CNGA1: variants seen among roughly 807,000 people sequenced by gnomAD.
The protein encoded by CNGA1 is cyclic nucleotide gated channel subunit alpha 1.
In CNGA1, 53 loss-of-function variants were observed where a neutral mutation model predicts 69.7. The ratio of observed to expected loss-of-function variants is 0.76; its 90% CI spans 0.61 to 0.96. The LOEUF (loss-of-function observed/expected upper bound fraction) is 0.96. CNGA1 is among the 40% of genes least tolerant of loss of function. CNGA1 has a pLI of 0.00. For missense variants in CNGA1, 739 were observed against 811.2 expected (o/e 0.91, Z 1.08); for synonymous variants, 249 against 283.5 (o/e 0.88, Z 1.22).
chr4:47,936,986 C>T lies in CNGA1; in HGVS notation c.1496G>A (p.Gly499Glu). ...LKLQPQVYSPGDYICKKGDIG... is the reference protein window; with the variant it reads ...LKLQPQVYSPEDYICKKGDIG... ...ATCCCCTTTCTTGCAAATATAATCT[C>T]CAGGACTGTAGACTTGGGGTTGCAA... Residue 499 changes from glycine to glutamate, a missense_variant, in exon 11 of 11, where the codon GGA becomes GAA. Transcript: ENST00000514170. 6.2e-7 allele frequency: 1 copy of T among 1,614,140 alleles called. No homozygotes were observed. Among genetic ancestry groups the T allele is most frequent in the South Asian group, 1.1e-5 (1 of 91,078 alleles).
Position 47,936,215 on chromosome 4 carries a change from T to C in CNGA1, c.*206A>G, listed in dbSNP as rs1738629084. The C allele has an allele frequency of 3.3e-6, 2 of 605,616 alleles. No individual in the cohort carries two copies. Among genetic ancestry groups the C allele is most frequent in the Non-Finnish European group, 5.8e-6 (2 of 343,906 alleles). 37.5% of individuals were successfully genotyped at this position (605,616 alleles called of 1,614,324 possible). On this transcript the variant is annotated 3_prime_UTR_variant, in exon 11 of 11. Coordinates refer to ENST00000514170, the MANE Select transcript of CNGA1 (RefSeq NM_001379270.1). ...AGTTTATATCTTTGCACATTATCAG[T>C]TGTGAAAAATCCCAAGATATAAAGC...
chr4:47,990,321 G>T (rs575866992), intron 2 of CNGA1, among the ~76,000 whole-genome samples: 1 of 152,026 alleles, frequency 6.6e-6, no homozygotes, highest in African/African-American at 2.4e-5. Context: ...GCATTCTTGG[G>T]GGGAGGTCTA....
At chr4:47,981,698 T>A (rs73814638) in intron 2 of CNGA1, among the ~76,000 whole-genome samples, 198 bp from the exon 3 acceptor site, 2,581 of 152,222 alleles carry the variant, frequency 0.017, 56 homozygotes, top group African/African-American at 0.058. Context: ...TTTGCTTGAG[T>A]CTGAGCCTAT....
rs556363295 is a variant in CNGA1, at chr4:47,957,701, T to C, written c.-14-4998A>G. On this transcript the variant is annotated intron_variant, in intron 3 of 10. Transcript: ENST00000514170. The stretch of plus-strand genomic sequence containing the variant: ...CAAGTTCACAAGCACTAGAGGAAAT[T>C]TGAAGAAAGGTGAGTTTAGCAATGA... 2.6e-5 allele frequency among the ~76,000 whole-genome samples: 4 copies of C among 152,234 alleles called. No homozygotes were observed. In the East Asian group the frequency reaches 5.8e-4, roughly 22 times the overall value.
At chr4:47,987,546 C>T (rs760830673) in intron 2 of CNGA1, among the ~76,000 whole-genome samples, 13 of 152,124 alleles carry the variant, frequency 8.5e-5, no homozygotes, top group Non-Finnish European at 1.9e-4. Context: ...ATTCATTCAA[C>T]AAATATGTAA....
In CNGA1 at chr4:47,943,778, A is replaced by T. The variant is rs200956952; in HGVS notation, c.288-366T>A. 5.9e-5 allele frequency among the ~76,000 whole-genome samples: 9 copies of T among 152,374 alleles called. No individual in the cohort carries two copies. The East Asian group carries it at 1.7e-3, about 29-fold the overall frequency. ...AAGCTTCTTGACATCATTTACATTTATCCTTGAATAAAATCATTCAGAATT... is the reference window on the plus strand; with the variant it reads ...AAGCTTCTTGACATCATTTACATTTTTCCTTGAATAAAATCATTCAGAATT... On this transcript the variant is annotated intron_variant, in intron 6 of 10. Coordinates refer to ENST00000514170, the MANE Select transcript of CNGA1 (RefSeq NM_001379270.1).
At chr4:47,966,717 C>G (rs189314410) in intron 3 of CNGA1, among the ~76,000 whole-genome samples, 118 of 152,156 alleles carry the variant, frequency 7.8e-4, no homozygotes, top group African/African-American at 2.7e-3. Flanking sequence ...AAATCTGAAA[C>G]CTTTAGGATC....
intron 2 of CNGA1, among the ~76,000 whole-genome samples, chr4:47,989,021 G>A (rs1397639893): frequency 6.6e-6 from 1 of 152,058 alleles, no homozygotes; most frequent in East Asian, 1.9e-4. Flanking sequence ...ACTGGGCAAG[G>A]GAGTGTTCAT....
chr4:47,993,044 CT>C (rs1290449166), intron 2 of CNGA1, among the ~76,000 whole-genome samples: 1 of 152,136 alleles, frequency 6.6e-6, no homozygotes, highest in Non-Finnish European at 1.5e-5. Context: ...ATGAAACCAA[CT>C]TGATCAGGGT....
At chr4:47,977,109 C>T (rs1213960315) in intron 3 of CNGA1, among the ~76,000 whole-genome samples, 1 of 152,148 alleles carries the variant, frequency 6.6e-6, no homozygotes, top group Non-Finnish European at 1.5e-5. Flanking sequence ...GTGTTACAGG[C>T]TGAATTGTGT....
At position 48,016,651 on chromosome 4, in the gene CNGA1, A is replaced by G. The variant is rs1380296930; in HGVS notation, c.-391T>C. 3.6e-6 allele frequency: 2 copies of G among 558,918 alleles called. No homozygotes were observed. Among genetic ancestry groups the G allele is most frequent in the Non-Finnish European group, 6.2e-6 (2 of 324,890 alleles). The allele number at this position is 558,918 out of a possible 1,614,324, so 34.6% of individuals were successfully genotyped here. A position where few individuals can be genotyped will look rare whatever the true frequency, so the allele number is the denominator to read the frequency against. ...TGCGGGGGCCCTGAGAATTCGCAAC[A>G]AGCCCCGGGCAGCAGGGCTCGGCTG... is the stretch of plus-strand genomic sequence containing the variant. On this transcript the variant is annotated 5_prime_UTR_variant, in exon 1 of 11. Transcript: ENST00000514170.
At chr4:48,014,486 A>C (rs1205815708) in intron 1 of CNGA1, among the ~76,000 whole-genome samples, 1 of 152,246 alleles carries the variant, frequency 6.6e-6, no homozygotes, top group African/African-American at 2.4e-5. Context: ...ACTGAAATTC[A>C]ATAAAGATAC....
At chr4:47,941,758 G>T (rs1228863656) in intron 9 of CNGA1, among the ~76,000 whole-genome samples, 1 of 152,002 alleles carries the variant, frequency 6.6e-6, no homozygotes. Flanking sequence ...GCCTGCACAT[G>T]TACCCCCGAA....
intron 8 of CNGA1, 52 bp from the exon 9 acceptor site, chr4:47,942,200 T>G (rs1234506731): frequency 8.9e-7 from 1 of 1,123,506 alleles, no homozygotes; most frequent in East Asian, 2.3e-5. Flanking sequence ...AAGAACATTT[T>G]TATTTACCAT....
rs1331740426 is a variant in CNGA1, at chr4:48,016,595, T to TA, written c.-336dup. 2.7e-5 allele frequency: 14 copies of TA among 526,706 alleles called. No individual in the cohort carries two copies. In the Admixed American group the frequency reaches 3.5e-4, roughly 13 times the overall value. 32.6% of individuals were successfully genotyped at this position (526,706 alleles called of 1,614,324 possible). A position where few individuals can be genotyped will look rare whatever the true frequency, so the allele number is the denominator to read the frequency against. ...AGGGGCAGCTGCTACTCCTGCCAGA[T>TA]ACACCAGTTATCACAGGCCGCTCCC... On this transcript the variant is annotated 5_prime_UTR_variant, in exon 1 of 11. Coordinates refer to ENST00000514170, the MANE Select transcript of CNGA1 (RefSeq NM_001379270.1).
chr4:47,991,079 C>A (rs1019697797), intron 2 of CNGA1, among the ~76,000 whole-genome samples: 1 of 152,094 alleles, frequency 6.6e-6, no homozygotes, highest in African/African-American at 2.4e-5. Flanking sequence ...TGGACTGATT[C>A]TATGTTTTTT....
chr4:48,003,479 A>G (rs535302535), intron 2 of CNGA1, among the ~76,000 whole-genome samples: 1 of 152,240 alleles, frequency 6.6e-6, no homozygotes, highest in South Asian at 2.1e-4. Flanking sequence ...GCAGCAAGTC[A>G]CCCAGGTGCC....
intron 6 of CNGA1, among the ~76,000 whole-genome samples, chr4:47,947,374 T>C (rs1420511696): frequency 6.6e-6 from 1 of 152,026 alleles, no homozygotes; most frequent in Non-Finnish European, 1.5e-5. Context: ...CTAGTTTGTA[T>C]GGAAAAAGAA....
At chr4:47,966,584 T>C (rs970491270) in intron 3 of CNGA1, among the ~76,000 whole-genome samples, 18 of 152,206 alleles carry the variant, frequency 1.2e-4, no homozygotes, top group African/African-American at 3.6e-4. Flanking sequence ...TTGTGAAACA[T>C]TACTCTGCAT....
Sources: gnomAD v4.1 joint callset for allele counts (sites outside exome capture counted in the v4.1 genomes callset) on GRCh38, gnomAD v4.1.1 for gene constraint, MANE v1.5 for transcripts, NCBI Gene and HGNC (gene_info 2026-07-23, HGNC 2026-07-21) for gene names.